BMPR1B: variants seen among roughly 807,000 people sequenced by gnomAD.
BMPR1B encodes bone morphogenetic protein receptor type-1B.
A neutral mutation model predicts 59.1 loss-of-function variants in BMPR1B; 12 were observed. The ratio of observed to expected loss-of-function variants is 0.20; its 90% CI spans 0.13 to 0.33. The LOEUF is 0.33. Among genes scored for constraint, BMPR1B ranks in the 10% least tolerant of loss-of-function variants. The pLI is 1.00. For missense variants in BMPR1B, 550 were observed against 610.9 expected, an observed-to-expected ratio of 0.90 and a Z score of 1.05; for synonymous variants, 237 against 207.3, an observed-to-expected ratio of 1.14 and a Z score of -1.23.
At chr4:95,074,256 G>A (rs1328844301) in intron 3 of BMPR1B, among the ~76,000 whole-genome samples, 3 of 152,014 alleles carry the variant, frequency 2.0e-5, no homozygotes, top group African/African-American at 7.2e-5. Context: ...CTCAGTTTCT[G>A]TATTGCAATA....
chr4:94,846,946 A>G (rs984891611), intron 1 of BMPR1B, among the ~76,000 whole-genome samples: 19 of 152,180 alleles, frequency 1.2e-4, no homozygotes, highest in Non-Finnish European at 2.2e-4. Flanking sequence ...AAAAATGGAC[A>G]AATGGCATTA....
At chr4:94,826,868 A>C (rs1724402032) in intron 1 of BMPR1B, among the ~76,000 whole-genome samples, 2 of 152,310 alleles carry the variant, frequency 1.3e-5, no homozygotes, top group South Asian at 4.1e-4. Flanking sequence ...TTGCCAATAA[A>C]ATGTAGGAAT....
intron 2 of BMPR1B, among the ~76,000 whole-genome samples, chr4:94,901,239 A>G (rs370142384): frequency 6.6e-6 from 1 of 152,038 alleles, no homozygotes; most frequent in Non-Finnish European, 1.5e-5. Flanking sequence ...TAGCAAATAC[A>G]TAGATTAAAA....
At chr4:95,115,655 T>A in intron 5 of BMPR1B, 30 bp from the exon 6 acceptor site, 1 of 1,566,990 alleles carries the variant, frequency 6.4e-7, no homozygotes, top group Non-Finnish European at 8.8e-7. Flanking sequence ...TGGAAGAAAC[T>A]CACTAATAGC....
chr4:94,853,773 G>A (rs751475181), intron 1 of BMPR1B, among the ~76,000 whole-genome samples: 1 of 152,068 alleles, frequency 6.6e-6, no homozygotes, highest in African/African-American at 2.4e-5. Context: ...CACTGCAAAA[G>A]CACTAAACCT....
chr4:94,877,301 A>G (rs1726768735), intron 2 of BMPR1B, among the ~76,000 whole-genome samples: 1 of 152,324 alleles, frequency 6.6e-6, no homozygotes, highest in East Asian at 1.9e-4. Flanking sequence ...CCTTCCTACC[A>G]GGGTGAGGGG....
intron 2 of BMPR1B, among the ~76,000 whole-genome samples, chr4:94,926,023 T>C (rs1365603264): frequency 7.5e-6 from 1 of 132,920 alleles, no homozygotes; most frequent in African/African-American, 2.9e-5. Context: ...CCCTTCCCTT[T>C]TGTCCTTTCC....
chr4:94,857,240 CAAAT>C (rs1305150776), intron 1 of BMPR1B, among the ~76,000 whole-genome samples: 1 of 152,048 alleles, frequency 6.6e-6, no homozygotes, highest in African/African-American at 2.4e-5. Context: ...AATAAATTAA[CAAAT>C]ATTTAAGAAA....
intron 2 of BMPR1B, among the ~76,000 whole-genome samples, chr4:94,950,614 G>T (rs185362412): frequency 6.6e-5 from 10 of 152,120 alleles, no homozygotes; most frequent in Non-Finnish European, 1.3e-4. Flanking sequence ...GTGTGGTGTT[G>T]TTTCTGAGGC....
intron 10 of BMPR1B, among the ~76,000 whole-genome samples, chr4:95,143,250 A>G (rs1734382985): frequency 6.6e-6 from 1 of 152,186 alleles, no homozygotes; most frequent in African/African-American, 2.4e-5. Flanking sequence ...GGAAGGGAGT[A>G]CACTGTCGAT....
intron 8 of BMPR1B, among the ~76,000 whole-genome samples, chr4:95,128,197 A>G (rs970688031): frequency 1.3e-5 from 2 of 152,148 alleles, no homozygotes; most frequent in Non-Finnish European, 1.5e-5. Flanking sequence ...TAATCCCTAG[A>G]ATTTTATGTT....
chr4:94,967,634 C>G lies in BMPR1B; in HGVS notation c.-112-28406C>G, dbSNP rs138506473. On this transcript the variant is annotated intron_variant, in intron 2 of 12. Transcript: ENST00000515059. ...AGTAGCTGGGATTACAGGTGCACGC[C>G]ACCATGCCCGGCTAATTTTTTGTAT... Among the ~76,000 whole-genome samples, 1,267 of 152,184 alleles carry G rather than the reference C, an allele frequency of 8.3e-3. 14 individuals are homozygous for G. Among genetic ancestry groups the G allele is most frequent in the African/African-American group, 0.029 (1,194 of 41,502 alleles).
intron 2 of BMPR1B, among the ~76,000 whole-genome samples, chr4:94,904,723 A>G (rs1380643674): frequency 6.6e-6 from 1 of 152,042 alleles, no homozygotes; most frequent in East Asian, 1.9e-4. Context: ...AATATATTAC[A>G]TTGTAAAAAA....
intron 1 of BMPR1B, among the ~76,000 whole-genome samples, chr4:94,787,636 A>G (rs1722809043): frequency 6.6e-6 from 1 of 152,218 alleles, no homozygotes; most frequent in South Asian, 2.1e-4. Flanking sequence ...TGAAGGTTTA[A>G]CCACGTCTTT....
chr4:95,126,432 G>A (rs1169494727), intron 8 of BMPR1B, among the ~76,000 whole-genome samples: 1 of 152,106 alleles, frequency 6.6e-6, no homozygotes, highest in Non-Finnish European at 1.5e-5. Flanking sequence ...AAATTGTCTG[G>A]GTTCCAATCC....
chr4:94,938,812 C>T (rs561053947), intron 2 of BMPR1B, among the ~76,000 whole-genome samples: 25 of 152,142 alleles, frequency 1.6e-4, no homozygotes, highest in Non-Finnish European at 3.2e-4. Flanking sequence ...CAGATATCAG[C>T]CTGGGCAACA....
intron 3 of BMPR1B, among the ~76,000 whole-genome samples, chr4:95,014,208 A>G (rs959213472): frequency 1.3e-5 from 2 of 152,220 alleles, no homozygotes; most frequent in East Asian, 3.8e-4. Context: ...TGTTAACTAA[A>G]TCAACTGTAA....
chr4:94,983,032 C>T (rs1362760172), intron 2 of BMPR1B, among the ~76,000 whole-genome samples: 1 of 151,578 alleles, frequency 6.6e-6, no homozygotes, highest in Non-Finnish European at 1.5e-5. Flanking sequence ...CACCTGAATA[C>T]TAAAGATTGT....
chr4:94,893,339 A>G (rs1560535318), intron 2 of BMPR1B, among the ~76,000 whole-genome samples: 1 of 151,986 alleles, frequency 6.6e-6, no homozygotes, highest in Non-Finnish European at 1.5e-5. Context: ...TGTCTGTAGT[A>G]ATGGACCATT....
Sources: gnomAD v4.1 joint callset for allele counts (sites outside exome capture counted in the v4.1 genomes callset) on GRCh38, gnomAD v4.1.1 for gene constraint, MANE v1.5 for transcripts, NCBI Gene and HGNC (gene_info 2026-07-23, HGNC 2026-07-21) for gene names.